NCOA5: variants seen among roughly 807,000 people sequenced by gnomAD.
The protein encoded by NCOA5 is nuclear receptor coactivator 5, also known as NCoA-5.
A neutral mutation model predicts 59.0 loss-of-function variants in NCOA5; 12 were observed. That is an observed-to-expected ratio of 0.20 (90% confidence interval 0.13 to 0.33). NCOA5 has a LOEUF of 0.33. Ranked by LOEUF, NCOA5 falls within the 10% of genes least tolerant of loss-of-function variation. The pLI, the probability that NCOA5 is intolerant of heterozygous loss-of-function variation, is 1.00. For synonymous variants in NCOA5, 270 were observed against 275.5 expected, an observed-to-expected ratio of 0.98 and a Z score of 0.20; for missense variants, 655 against 766.6, an observed-to-expected ratio of 0.85 and a Z score of 1.72.
At position 46,063,547 on chromosome 20, in the gene NCOA5, G is replaced by T; in HGVS notation, c.963C>A (p.Ile321=). 6.2e-7 allele frequency: 1 copy of T among 1,614,180 alleles called. No homozygotes were observed. Among genetic ancestry groups the T allele is most frequent in the Non-Finnish European group, 8.5e-7 (1 of 1,180,040 alleles). The stretch of plus-strand genomic sequence containing the variant: ...GGCCTCCTCTCTCTCTTTCCTGCAG[G>T]ATGGCTTCATCGGCCATCTTGGCTG... ...RQAAKMADEA[I]LQERERGGPE... The change falls in exon 7 of 8, where the codon ATC becomes ATA. Residue 321 remains isoleucine (I), a synonymous_variant. Coordinates refer to ENST00000290231, the MANE Select transcript of NCOA5 (RefSeq NM_020967.3).
chr20:46,080,348 G>A (rs1420349639), intron 1 of NCOA5, among the ~76,000 whole-genome samples: 2 of 152,070 alleles, frequency 1.3e-5, no homozygotes, highest in South Asian at 4.1e-4. Flanking sequence ...ATGACTTAAA[G>A]CTAAATAAAT....
intron 5 of NCOA5, 133 bp from the exon 6 acceptor site, chr20:46,065,361 T>C: frequency 3.7e-6 from 3 of 807,906 alleles, no homozygotes; most frequent in South Asian, 3.3e-5. Flanking sequence ...GATCCAAGTA[T>C]CTAGACCAAT....
At chr20:46,071,289 C>T (rs1406370677) in intron 2 of NCOA5, among the ~76,000 whole-genome samples, 2 of 152,154 alleles carry the variant, frequency 1.3e-5, no homozygotes, top group African/African-American at 2.4e-5. Context: ...AAATTAAAAA[C>T]TTCTTACCCC....
At position 46,070,345 on chromosome 20, in the gene NCOA5, C is replaced by T. The variant is rs772778124; in HGVS notation, c.230G>A (p.Ser77Asn). The change falls in exon 3 of 8, where the codon AGT becomes AAT. Residue 77 changes from serine to asparagine, a missense_variant. Around this residue, in one of 3 missense-constraint regions of NCOA5, gnomAD observed 250 missense variants for 260.1 expected, o/e 0.96. Transcript: ENST00000290231. The part of the protein sequence containing the change: ...RDLRDHRDSR[S>N]VRDVRDVRDL... ...CCTCACGTCCCGAACGTCGCGCACA[C>T]TCCTGCTGTCTCTGTGATCCCGCAA... The T allele has an allele frequency of 2.5e-6, 4 of 1,613,800 alleles. No individual in the cohort carries two copies. In the South Asian group the frequency reaches 4.4e-5, roughly 18 times the overall value.
intron 1 of NCOA5, among the ~76,000 whole-genome samples, chr20:46,079,690 C>G (rs1176040410): frequency 6.6e-6 from 1 of 152,162 alleles, no homozygotes; most frequent in African/African-American, 2.4e-5. Context: ...CGTAATTTGT[C>G]TTAAACTAAT....
intron 2 of NCOA5, 91 bp downstream of exon 2, chr20:46,079,296 G>A (rs898521734): frequency 9.0e-6 from 11 of 1,226,740 alleles, no homozygotes; most frequent in Non-Finnish European, 1.3e-5. Flanking sequence ...CACTTGTTGG[G>A]GGGAAGAAAA....
At chr20:46,080,459 A>T (rs529596499) in intron 1 of NCOA5, among the ~76,000 whole-genome samples, 1 of 152,346 alleles carries the variant, frequency 6.6e-6, no homozygotes, top group South Asian at 2.1e-4. Context: ...TTAATAGTGT[A>T]TCTAATGACA....
At chr20:46,062,924 G>A (rs763243669) in intron 7 of NCOA5, 35 bp from the exon 8 acceptor site, 33 of 1,498,222 alleles carry the variant, frequency 2.2e-5, no homozygotes, top group Non-Finnish European at 2.8e-5. Context: ...CTGGTTCAAA[G>A]TACCCCCCAA....
chr20:46,071,020 G>T (rs747978134), intron 2 of NCOA5, among the ~76,000 whole-genome samples: 4 of 151,870 alleles, frequency 2.6e-5, no homozygotes, highest in Non-Finnish European at 5.9e-5. Flanking sequence ...ATTACTATAA[G>T]ATACATACAG....
chr20:46,085,525 A>C (rs1311136466), intron 1 of NCOA5, among the ~76,000 whole-genome samples: 2 of 152,138 alleles, frequency 1.3e-5, no homozygotes, highest in Non-Finnish European at 2.9e-5. Context: ...GGGAGGAGGC[A>C]GGGAAGGCTT....
At chr20:46,067,285 G>A (rs962562491) in intron 4 of NCOA5, 104 bp from the exon 5 acceptor site, 15 of 1,325,918 alleles carry the variant, frequency 1.1e-5, no homozygotes, top group Non-Finnish European at 1.4e-5. Flanking sequence ...CAATCCTCTG[G>A]TCTATCTCCT....
rs35555539 is a variant in NCOA5 at position 46,085,197 on chromosome 20, A to ATT, written c.-30+4618_-30+4619dup. On this transcript the variant is annotated intron_variant, in intron 1 of 7. Transcript: ENST00000290231. ...ACGCATGCACCACCACACGCAGCTA[A>ATT]TTTTTTTTTTTTTGAGATACTGTCT... Among the ~76,000 whole-genome samples, 92 of 147,270 alleles carry ATT rather than the reference A, an allele frequency of 6.2e-4. No homozygotes were observed. The South Asian group carries it at 6.7e-3, about 11-fold the overall frequency.
intron 1 of NCOA5, among the ~76,000 whole-genome samples, chr20:46,081,527 T>C (rs948147963): frequency 1.3e-5 from 2 of 152,260 alleles, no homozygotes; most frequent in South Asian, 4.1e-4. Context: ...TATTCAAGAT[T>C]ATATCTTTAA....
chr20:46,070,782 T>G (rs112940857), intron 2 of NCOA5, among the ~76,000 whole-genome samples: 76 of 152,098 alleles, frequency 5.0e-4, no homozygotes, highest in Non-Finnish European at 9.7e-4. Context: ...TTTGACTGGA[T>G]AACAGTATTC....
At chr20:46,070,111 G>GC in intron 3 of NCOA5, 99 bp downstream of exon 3, 1 of 916,258 alleles carries the variant, frequency 1.1e-6, no homozygotes, top group Non-Finnish European at 1.6e-6. Flanking sequence ...GAAATAAAAG[G>GC]CTGATAAAAT....
At chr20:46,072,691 T>A (rs574786639) in intron 2 of NCOA5, among the ~76,000 whole-genome samples, 1 of 152,324 alleles carries the variant, frequency 6.6e-6, no homozygotes, top group South Asian at 2.1e-4. Flanking sequence ...AAGAGATCTA[T>A]ACTCCTCTTC....
chr20:46,082,508 A>G (rs1002298677), intron 1 of NCOA5, among the ~76,000 whole-genome samples: 2 of 152,182 alleles, frequency 1.3e-5, no homozygotes, highest in African/African-American at 4.8e-5. Context: ...TAGAAAAGGG[A>G]AGAAACGGTA....
chr20:46,085,189 C>A (rs890885257), intron 1 of NCOA5, among the ~76,000 whole-genome samples: 4 of 146,788 alleles, frequency 2.7e-5, no homozygotes, highest in Non-Finnish European at 4.5e-5. Flanking sequence ...CACCACCACA[C>A]GCAGCTAATT....
intron 1 of NCOA5, among the ~76,000 whole-genome samples, chr20:46,082,151 G>T (rs952810241): frequency 6.6e-6 from 1 of 152,044 alleles, no homozygotes; most frequent in African/African-American, 2.4e-5. Flanking sequence ...ATAAAAGGAA[G>T]AAACCAGAAA....
Sources: gnomAD v4.1 joint callset for allele counts (sites outside exome capture counted in the v4.1 genomes callset) on GRCh38, gnomAD v4.1.1 for gene constraint, gnomAD v4.1.1 regional missense constraint, MANE v1.5 for transcripts, NCBI Gene and HGNC (gene_info 2026-07-23, HGNC 2026-07-21) for gene names.